The following COL6A5 variants were observed in gnomAD, a reference collection of about 807,000 sequenced individuals.
The protein encoded by COL6A5 is collagen alpha-5(VI) chain.
Under a neutral mutation model 65.6 loss-of-function variants are expected in COL6A5, and 48 were observed. The observed-to-expected ratio is 0.73, with a 90% CI of 0.58 to 0.93. The LOEUF is 0.93. Among genes scored for constraint, COL6A5 ranks in the 40% least tolerant of loss-of-function variants. COL6A5 has a pLI of 0.00. For missense variants in COL6A5, 914 were observed against 928.3 expected, an observed-to-expected ratio of 0.98 and a Z score of 0.20; for synonymous variants, 291 against 322.8, an observed-to-expected ratio of 0.90 and a Z score of 1.05.
intron 1 of COL6A5, among the ~76,000 whole-genome samples, chr3:130,432,293 G>A (rs922676587): frequency 2.0e-5 from 3 of 152,136 alleles, no homozygotes; most frequent in African/African-American, 4.8e-5. Context: ...GGTGGCTCAT[G>A]CCTGTAATCC....
chr3:130,376,885 C>T (rs1935803632), intron 3 of COL6A5, 49 bp downstream of exon 3: 1 of 1,518,368 alleles, frequency 6.6e-7, no homozygotes, highest in African/African-American at 1.4e-5. Context: ...GGTGGGTCTA[C>T]ATCTGTCCAC....
chr3:130,370,715 G>A (rs532799716), intron 1 of COL6A5, among the ~76,000 whole-genome samples: 1 of 152,292 alleles, frequency 6.6e-6, no homozygotes, highest in East Asian at 1.9e-4. Flanking sequence ...CTATGTTGGG[G>A]CAGGTAAGGG....
rs778234163 is a variant in COL6A5, at chr3:130,445,675, G to T, written c.1332+2109G>T. Among the ~76,000 whole-genome samples, 10 of 152,206 alleles carry T rather than the reference G, an allele frequency of 6.6e-5. No homozygotes were observed. In the East Asian group the frequency reaches 1.7e-3, roughly 27 times the overall value. On this transcript the variant is annotated intron_variant, in intron 4 of 7. Transcript: ENST00000512836. ...GAGTATCATATGAGGCCTGGTGCGGGGGGGATAATGCCTTTATCTTCGCAT... is the reference window on the plus strand; with the variant it reads ...GAGTATCATATGAGGCCTGGTGCGGTGGGGATAATGCCTTTATCTTCGCAT...
At chr3:130,484,337 T>C (rs1418531997) in exon 8 of COL6A5, 7 of 457,732 alleles carry the variant, frequency 1.5e-5, no homozygotes, top group Non-Finnish European at 2.7e-5. Flanking sequence ...TTGAAAGCTC[T>C]GCACAGTTCA....
intron 1 of COL6A5, among the ~76,000 whole-genome samples, chr3:130,364,528 A>G (rs1935259930): frequency 6.6e-6 from 1 of 152,244 alleles, no homozygotes; most frequent in South Asian, 2.1e-4. Context: ...ATGGTGATGT[A>G]GACTGAGTGT....
chr3:130,397,469 TG>T, intron 8 of COL6A5, 113 bp from the exon 9 acceptor site: 1 of 691,338 alleles, frequency 1.4e-6, no homozygotes. Context: ...GAACACTATT[TG>T]GGGACTAGAG....
In COL6A5 at chr3:130,421,313, T is replaced by C. The variant is rs1937513560; in HGVS notation, c.5002-12T>C. 6.4e-7 allele frequency: 1 copy of C among 1,550,632 alleles called. No homozygotes were observed. Among genetic ancestry groups the C allele is most frequent in the South Asian group, 1.2e-5 (1 of 84,042 alleles). On this transcript the variant is annotated splice_polypyrimidine_tract_variant and intron_variant and NMD_transcript_variant, in intron 26 of 41. Transcript: ENST00000312481. ...ATGTTGATGTATTTATGTTCTGTGC[T>C]GAAAATTATAGGGCCCAAGAGGATT...
intron 11 of COL6A5, 82 bp from the exon 12 acceptor site, chr3:130,401,680 T>C (rs1936821086): frequency 1.9e-6 from 2 of 1,031,942 alleles, no homozygotes; most frequent in African/African-American, 3.2e-5. Flanking sequence ...AGATGGTGGA[T>C]TATGATTTGT....
At chr3:130,422,627 A>C in intron 27 of COL6A5, 93 bp from the exon 28 acceptor site, 1 of 759,688 alleles carries the variant, frequency 1.3e-6, no homozygotes, top group South Asian at 1.6e-5. Flanking sequence ...TGATTGTCAT[A>C]ATATCAATCA....
chr3:130,406,250 TTTCTTGTC>T lies in COL6A5; in HGVS notation c.4426-12_4426-5del. On this transcript the variant is annotated splice_polypyrimidine_tract_variant and intron_variant and NMD_transcript_variant, in intron 16 of 41. Coordinates refer to the COL6A5 transcript ENST00000312481. ...ATTTTTTTTAAGTGGGAATTTTGTT[TTTCTTGTC>T]TTCTTTTAGGGCTGTCATGGATTTC... The T allele has an allele frequency of 1.3e-6, 2 of 1,550,380 alleles. No homozygotes were observed. Among genetic ancestry groups the T allele is most frequent in the Non-Finnish European group, 1.7e-6 (2 of 1,146,150 alleles).
chr3:130,377,088 A>G (rs1935813258), intron 3 of COL6A5, among the ~76,000 whole-genome samples: 1 of 152,042 alleles, frequency 6.6e-6, no homozygotes, highest in African/African-American at 2.4e-5. Flanking sequence ...TCATCCCTAC[A>G]TTCTTTTCCT....
In COL6A5 at chr3:130,409,387, C is replaced by T. The variant is rs375958896; in HGVS notation, c.4541C>T (p.Pro1514Leu). The change falls in exon 18 of 42, where the codon CCG becomes CTG. Residue 1514 changes from proline (P) to leucine (L), a missense_variant and splice_region_variant and NMD_transcript_variant. By Grantham distance (98) the Pro-to-Leu change is moderately conservative. Transcript: ENST00000312481. ...GGAGAGAAGGGCTTCCCAGGGGATC[C>T]GGTAAGTTTCTAGGGCCCAGTTGGC... 167 of 1,548,558 alleles carry T rather than the reference C, an allele frequency of 1.1e-4. 2 individuals are homozygous for T. The highest frequency in any genetic ancestry group is 9.3e-4 in the South Asian group (78 of 83,696).
upstream of COL6A5, among the ~76,000 whole-genome samples, chr3:130,428,790 A>G (rs1937670672): frequency 6.6e-6 from 1 of 152,192 alleles, no homozygotes; most frequent in African/African-American, 2.4e-5. Context: ...GACAAACAAG[A>G]GGTGTTCACA....
intron 25 of COL6A5, among the ~76,000 whole-genome samples, chr3:130,420,060 G>C (rs1028026346): frequency 5.3e-5 from 8 of 151,928 alleles, no homozygotes; most frequent in African/African-American, 1.9e-4. Context: ...AAATTAAATG[G>C]TTGTAGAATG....
intron 3 of COL6A5, among the ~76,000 whole-genome samples, chr3:130,377,729 A>T (rs1038662311): frequency 5.9e-5 from 9 of 152,290 alleles, no homozygotes; most frequent in Admixed American, 5.2e-4. Flanking sequence ...CCTGAGCGTC[A>T]GTTTCCTTAC....
intron 1 of COL6A5, among the ~76,000 whole-genome samples, chr3:130,372,420 C>T (rs912645165): frequency 6.6e-6 from 1 of 151,798 alleles, no homozygotes; most frequent in Non-Finnish European, 1.5e-5. Context: ...AAATGTTCAT[C>T]AACTGACAAT....
exon 8 of COL6A5, chr3:130,395,422 A>T (rs773279286): frequency 6.5e-7 from 1 of 1,545,802 alleles, no homozygotes; most frequent in South Asian, 1.2e-5. Context: ...TGGATGTGAA[A>T]AAAAGAATCA....
At chr3:130,394,501 A>G (rs1368403482) in intron 7 of COL6A5, among the ~76,000 whole-genome samples, 1 of 152,206 alleles carries the variant, frequency 6.6e-6, no homozygotes, top group Non-Finnish European at 1.5e-5. Flanking sequence ...TAGGAGTACT[A>G]ATAATAGTAC....
At chr3:130,426,044 A>G (rs907442618) in intron 29 of COL6A5, among the ~76,000 whole-genome samples, 170 bp from the exon 30 acceptor site, 5 of 152,204 alleles carry the variant, frequency 3.3e-5, no homozygotes, top group Admixed American at 6.5e-5. Flanking sequence ...CCTTGATGTG[A>G]GTAGGGAAAA....
Sources: gnomAD v4.1 joint callset for allele counts (sites outside exome capture counted in the v4.1 genomes callset) on GRCh38, gnomAD v4.1.1 for gene constraint, MANE v1.5 for transcripts, NCBI Gene and HGNC (gene_info 2026-07-23, HGNC 2026-07-21) for gene names.